The following WASHC2C variants were observed in gnomAD, a reference collection of about 807,000 sequenced individuals.
WASHC2C encodes the protein WASH complex subunit 2C, also known as Vaccinia Penetration Factor.
A neutral mutation model predicts 142.2 loss-of-function variants in WASHC2C; 73 were observed. That is an observed-to-expected ratio of 0.51 (90% CI 0.43 to 0.62). The LOEUF (loss-of-function observed/expected upper bound fraction) is 0.62, where lower values mean the gene tolerates loss of function less well. Among genes scored for constraint, WASHC2C ranks in the 20% least tolerant of loss-of-function variants. The probability of loss-of-function intolerance (pLI) is 0.00; values close to 1 mark genes in which losing one functional copy is unlikely to be tolerated. For synonymous variants in WASHC2C, 337 were observed against 565.5 expected (o/e 0.60, Z 5.73); for missense variants, 969 against 1,531.7 (o/e 0.63, Z 6.13).
Position 45,790,216 on chromosome 10 carries a change from T to G in WASHC2C, c.3709-140T>G, listed in dbSNP as rs1272192528. ...CAAGCTGTGCAGAGATCTGGGGTAG[T>G]GCATCCCAGGCAGAGTGGGCAGTCT... On this transcript the variant is annotated intron_variant, in intron 29 of 30. Transcript: ENST00000623400. The G allele has an allele frequency of 1.7e-5, 24 of 1,392,904 alleles. No homozygotes were observed. The African/African-American group carries it at 3.2e-4, about 19-fold the overall frequency. 86.3% of individuals were successfully genotyped at this position (1,392,904 alleles called of 1,614,324 possible). A position where few individuals can be genotyped will look rare whatever the true frequency, so the allele number is the denominator to read the frequency against.
At chr10:45,790,210 G>C (rs2058318085) in intron 29 of WASHC2C, 146 bp from the exon 30 acceptor site, 1 of 1,340,508 alleles carries the variant, frequency 7.5e-7, no homozygotes, top group Non-Finnish European at 1.0e-6. Context: ...CAGAGATCTG[G>C]GGTAGTGCAT....
chr10:45,771,928 T>C (rs1472367197), intron 20 of WASHC2C, among the ~76,000 whole-genome samples: 31 of 152,312 alleles, frequency 2.0e-4, no homozygotes, highest in Admixed American at 1.8e-3. Flanking sequence ...AAATTAGTTG[T>C]TCATATAAAA....
intron 30 of WASHC2C, among the ~76,000 whole-genome samples, chr10:45,791,719 C>G (rs1418721490): frequency 6.9e-6 from 1 of 145,974 alleles, no homozygotes; most frequent in African/African-American, 2.5e-5. Context: ...GGATAAAACC[C>G]TAGCAGTAAC....
chr10:45,743,285 A>G (rs1293471729), intron 5 of WASHC2C, 105 bp from the exon 6 acceptor site: 3 of 1,569,154 alleles, frequency 1.9e-6, no homozygotes, highest in African/African-American at 1.3e-5. Context: ...CACCTTCGTT[A>G]TGTAGCTTGT....
In WASHC2C at chr10:45,791,215, C is replaced by T. The variant is rs2058374352; in HGVS notation, c.3886+682C>T. 2.0e-5 allele frequency among the ~76,000 whole-genome samples: 3 copies of T among 152,352 alleles called. No homozygotes were observed. The South Asian group carries it at 6.2e-4, about 32-fold the overall frequency. Reference sequence around the variant, plus strand: ...AGACAGCTGGTGCTGCAGAGCCACACACTGGCTCTGTGCCTCCAGCAAGCC... The same window carrying T: ...AGACAGCTGGTGCTGCAGAGCCACATACTGGCTCTGTGCCTCCAGCAAGCC... On this transcript the variant is annotated intron_variant, in intron 30 of 30. Transcript: ENST00000623400.
intron 18 of WASHC2C, among the ~76,000 whole-genome samples, chr10:45,765,028 C>G (rs1554881670): frequency 6.6e-6 from 1 of 152,100 alleles, no homozygotes; most frequent in Non-Finnish European, 1.5e-5. Flanking sequence ...TTCCCCTTAT[C>G]TGAATAAAAG....
intron 18 of WASHC2C, among the ~76,000 whole-genome samples, chr10:45,763,921 C>T (rs879225772): frequency 6.6e-6 from 1 of 152,108 alleles, no homozygotes; most frequent in African/African-American, 2.4e-5. Context: ...AGGCTAGTTT[C>T]GAACTCCTGA....
intron 26 of WASHC2C, 195 bp from the exon 27 acceptor site, chr10:45,786,417 A>T: frequency 2.6e-6 from 2 of 761,468 alleles, no homozygotes. Context: ...CTTTCCACTT[A>T]TGTGACAGAG....
At chr10:45,786,450 G>C (rs2058048792) in intron 26 of WASHC2C, 162 bp from the exon 27 acceptor site, 1 of 847,428 alleles carries the variant, frequency 1.2e-6, no homozygotes, top group Admixed American at 2.0e-5. Context: ...GTGAAGTAGT[G>C]CTAGTGAAAC....
intron 17 of WASHC2C, among the ~76,000 whole-genome samples, chr10:45,761,440 T>G (rs1554879976): frequency 2.0e-5 from 3 of 152,184 alleles, no homozygotes; most frequent in African/African-American, 7.2e-5. Context: ...CTCCCCTTCT[T>G]GATGGTGGGA....
chr10:45,784,979 T>G lies in WASHC2C; in HGVS notation c.2688+78T>G. Reference sequence around the variant, plus strand: ...GGAAACTAACGTCCAGTTAGATGATTAAGGAAAATCCTAGGAGAGTCGTGC... The same window carrying G: ...GGAAACTAACGTCCAGTTAGATGATGAAGGAAAATCCTAGGAGAGTCGTGC... On this transcript the variant is annotated intron_variant, in intron 25 of 30. Coordinates refer to ENST00000623400, the MANE Select transcript of WASHC2C (RefSeq NM_001330074.2). 2.5e-6 allele frequency: 4 copies of G among 1,611,160 alleles called. No individual in the cohort carries two copies. In the South Asian group the frequency reaches 4.4e-5, roughly 18 times the overall value.
At chr10:45,748,839 A>T (rs1182927258) in intron 8 of WASHC2C, among the ~76,000 whole-genome samples, 1 of 152,202 alleles carries the variant, frequency 6.6e-6, no homozygotes, top group Non-Finnish European at 1.5e-5. Context: ...TGAGCCTTCC[A>T]GTCCTTTCCT....
rs2054001502 is a variant in WASHC2C, at chr10:45,754,516, TCCCA to T, written c.1212_1215del (p.Ile404MetfsTer9). The T allele has an allele frequency of 6.2e-7, 1 of 1,603,086 alleles. No individual in the cohort carries two copies. Among genetic ancestry groups the T allele is most frequent in the Non-Finnish European group, 8.5e-7 (1 of 1,175,050 alleles). ...TCATCATCCAAACCTGGAAAGAAAA[TCCCA>T]GCAGGAGCTGTTTCTGTATTTTTAG... On this transcript the variant is annotated frameshift_variant, in exon 14 of 31. Transcript: ENST00000623400. LOFTEE classifies it high-confidence loss of function.
chr10:45,766,428 C>G (rs2055830492), intron 19 of WASHC2C, among the ~76,000 whole-genome samples: 2 of 143,544 alleles, frequency 1.4e-5, no homozygotes, highest in Non-Finnish European at 3.1e-5. Context: ...ATGACCTACT[C>G]CAGAGAGGGT....
In WASHC2C at chr10:45,743,426, G is replaced by A. The variant is rs782469651; in HGVS notation, c.565G>A (p.Gly189Arg). The change falls in exon 6 of 31, where the codon GGG becomes AGG. Residue 189 changes from glycine to arginine, a missense_variant. Transcript: ENST00000623400. ...YIDRPLPYLI[G>R]SKLFMEQEDV... ...TGATCGTCCTTTACCATATCTCATT[G>A]GGTCAAAGCTGTTCATGGAACAAGA... is the stretch of plus-strand genomic sequence containing the variant. 6 of 1,611,746 alleles carry A rather than the reference G, an allele frequency of 3.7e-6. No homozygotes were observed. In the Admixed American group the frequency reaches 8.3e-5, roughly 22 times the overall value.
rs1484074513 is a variant in WASHC2C, at chr10:45,763,811, C to G, written c.1737+322C>G. ...ACTGTAACCGGGTTCAGGTGATTCT[C>G]CTGCCTCGACCTCCCAAGTAGCTGG... On this transcript the variant is annotated intron_variant, in intron 18 of 30. Transcript: ENST00000623400. Among the ~76,000 whole-genome samples the G allele has an allele frequency of 4.0e-5, 6 of 151,890 alleles. No homozygotes were observed. The East Asian group carries it at 1.2e-3, about 29-fold the overall frequency.
intron 23 of WASHC2C, among the ~76,000 whole-genome samples, chr10:45,784,270 A>ATT (rs1301218536): frequency 2.3e-3 from 13 of 5,756 alleles, no homozygotes; most frequent in Non-Finnish European, 6.5e-3. Flanking sequence ...ATATATATAT[A>ATT]TATATATATA....
intron 13 of WASHC2C, 109 bp downstream of exon 13, chr10:45,753,346 A>G (rs71221060): frequency 3.4e-6 from 4 of 1,171,100 alleles, no homozygotes; most frequent in Non-Finnish European, 4.8e-6. Flanking sequence ...GTGTCAAGCA[A>G]GAAGCTGTTG....
intron 21 of WASHC2C, among the ~76,000 whole-genome samples, chr10:45,774,940 C>T (rs2056923836): frequency 7.3e-6 from 1 of 136,432 alleles, no homozygotes; most frequent in South Asian, 2.4e-4. Flanking sequence ...AGCCTTTTAC[C>T]CTAATGAGTA....
Sources: gnomAD v4.1 joint callset for allele counts (sites outside exome capture counted in the v4.1 genomes callset) on GRCh38, gnomAD v4.1.1 for gene constraint, MANE v1.5 for transcripts, NCBI Gene and HGNC (gene_info 2026-07-23, HGNC 2026-07-21) for gene names.